Variants in TANGO6 observed in about 807,000 individuals in gnomAD.
TANGO6 encodes transport and Golgi organization protein 6 homolog.
Under a neutral mutation model 114.2 loss-of-function variants are expected in TANGO6, and 90 were observed. The ratio of observed to expected loss-of-function variants is 0.79; its 90% CI spans 0.66 to 0.94. The LOEUF is 0.94. TANGO6 is among the 40% of genes least tolerant of loss of function. The pLI is 0.00. For synonymous variants in TANGO6, 477 were observed against 509.8 expected, an observed-to-expected ratio of 0.94 and a Z score of 0.87; for missense variants, 1,274 against 1,315.3, an observed-to-expected ratio of 0.97 and a Z score of 0.49.
chr16:68,894,709 G>A (rs1408954073), intron 7 of TANGO6, among the ~76,000 whole-genome samples: 3 of 151,902 alleles, frequency 2.0e-5, no homozygotes, highest in Non-Finnish European at 2.9e-5. Context: ...TGTGTTTGGG[G>A]ATTTTTAATA....
intron 14 of TANGO6, among the ~76,000 whole-genome samples, chr16:68,968,731 C>T (rs1253998204): frequency 7.4e-6 from 1 of 134,264 alleles, no homozygotes; most frequent in Non-Finnish European, 1.6e-5. Context: ...AGTGCAGTGG[C>T]ATGATCTCGG....
chr16:68,869,565 T>C lies in TANGO6; in HGVS notation c.994+2345T>C, dbSNP rs543659085. Among the ~76,000 whole-genome samples the C allele has an allele frequency of 4.6e-5, 7 of 152,376 alleles. No individual in the cohort carries two copies. In the South Asian group the frequency reaches 1.4e-3, roughly 32 times the overall value. On this transcript the variant is annotated intron_variant, in intron 4 of 17. Transcript: ENST00000261778. ...TTTCTCTGGGTCTTCTGACTTGCTT[T>C]ACTCAATCCTGGTTACCTTCTACTC... is the stretch of plus-strand genomic sequence containing the variant.
intron 15 of TANGO6, among the ~76,000 whole-genome samples, chr16:68,991,351 C>T (rs1248778498): frequency 5.3e-5 from 8 of 151,880 alleles, no homozygotes; most frequent in Admixed American, 2.6e-4. Flanking sequence ...CATGATGGCT[C>T]ATGCCTGTAA....
In TANGO6 at chr16:69,013,823, A is replaced by AT. The variant is rs1959236064; in HGVS notation, c.2843-8999dup. Among the ~76,000 whole-genome samples, 16 of 151,856 alleles carry AT rather than the reference A, an allele frequency of 1.1e-4. No individual in the cohort carries two copies. The South Asian group carries it at 3.1e-3, about 30-fold the overall frequency. ...AGGCATGTGCCACCATGCCTAGCTA[A>AT]TTTTTTATATTTTTAGTAAAGACAG... On this transcript the variant is annotated intron_variant, in intron 15 of 17. Transcript: ENST00000261778.
intron 17 of TANGO6, among the ~76,000 whole-genome samples, chr16:69,078,751 T>C (rs929420713): frequency 2.0e-5 from 3 of 152,242 alleles, no homozygotes. Flanking sequence ...ATTTTTATTT[T>C]TATTTTTTGA....
At chr16:68,984,074 A>G (rs997903596) in intron 15 of TANGO6, among the ~76,000 whole-genome samples, 3 of 151,810 alleles carry the variant, frequency 2.0e-5, no homozygotes, top group Admixed American at 6.6e-5. Flanking sequence ...CTTTTGTATG[A>G]TAGTTTTCAG....
At chr16:68,846,425 AG>A (rs1961805347) in intron 1 of TANGO6, 1 of 273,858 alleles carries the variant, frequency 3.7e-6, no homozygotes, top group Non-Finnish European at 7.3e-6. Context: ...AGACTCACAT[AG>A]ATATGTAACT....
chr16:68,944,999 T>C (rs530688458), intron 14 of TANGO6, among the ~76,000 whole-genome samples: 2 of 152,132 alleles, frequency 1.3e-5, no homozygotes, highest in Admixed American at 6.5e-5. Context: ...ATACAAAAAT[T>C]AGCCAGGTGT....
Position 69,079,587 on chromosome 16 carries a change from G to C in TANGO6, c.3109-3898G>C, listed in dbSNP as rs570768031. ...CAGATAATGGACTTAAAAAAAAATGGAGTTTTTACGAATCATTAAGGAGAA... is the reference window on the plus strand; with the variant it reads ...CAGATAATGGACTTAAAAAAAAATGCAGTTTTTACGAATCATTAAGGAGAA... On this transcript the variant is annotated intron_variant, in intron 17 of 17. Transcript: ENST00000261778. 6.6e-5 allele frequency among the ~76,000 whole-genome samples: 10 copies of C among 151,798 alleles called. No homozygotes were observed. In the South Asian group the frequency reaches 2.1e-3, roughly 31 times the overall value.
chr16:69,077,986 C>T (rs914607968), intron 17 of TANGO6, among the ~76,000 whole-genome samples: 8 of 152,018 alleles, frequency 5.3e-5, no homozygotes, highest in African/African-American at 1.7e-4. Flanking sequence ...CAAATATTTA[C>T]ATTACAGTCC....
Position 69,022,917 on chromosome 16 carries a change from T to C in TANGO6, c.2932T>C (p.Leu978=), listed in dbSNP as rs753539871. 8.3e-5 allele frequency: 133 copies of C among 1,603,550 alleles called. 2 individuals are homozygous for C. The South Asian group carries it at 1.3e-3, about 15-fold the overall frequency. ...DPDGAHRASS[L]ANLGELCQRL... ...TGATGGTGCTCACAGGGCCAGCAGC[T>C]TGGCCAACCTTGGGGAGCTGTGCCA... is the stretch of plus-strand genomic sequence containing the variant. Residue 978 remains leucine, a synonymous_variant, in exon 16 of 18, where the codon TTG becomes CTG. Coordinates refer to ENST00000261778, the MANE Select transcript of TANGO6 (RefSeq NM_024562.2).
At chr16:68,964,484 G>A (rs1183739449) in intron 14 of TANGO6, among the ~76,000 whole-genome samples, 2 of 151,816 alleles carry the variant, frequency 1.3e-5, no homozygotes, top group African/African-American at 4.8e-5. Flanking sequence ...GAATTCAATA[G>A]AGACGATTTT....
chr16:68,867,367 A>G, intron 4 of TANGO6, 147 bp downstream of exon 4: 1 of 1,015,718 alleles, frequency 9.8e-7, no homozygotes, highest in Non-Finnish European at 1.4e-6. Flanking sequence ...TTAAACTTAG[A>G]GGCCGTTAAT....
chr16:68,921,131 A>G (rs1358156822), intron 12 of TANGO6, among the ~76,000 whole-genome samples: 1 of 150,978 alleles, frequency 6.6e-6, no homozygotes, highest in Non-Finnish European at 1.5e-5. Flanking sequence ...AAAAAAAAAA[A>G]AAAAAAAGAA....
intron 1 of TANGO6, among the ~76,000 whole-genome samples, chr16:68,853,077 G>GT (rs991775436): frequency 2.6e-5 from 4 of 151,972 alleles, no homozygotes; most frequent in African/African-American, 7.3e-5. Flanking sequence ...ATTTATTTGG[G>GT]TTTTTTGTAG....
intron 15 of TANGO6, among the ~76,000 whole-genome samples, chr16:68,988,038 T>C (rs1963912751): frequency 6.6e-6 from 1 of 152,198 alleles, no homozygotes; most frequent in Non-Finnish European, 1.5e-5. Flanking sequence ...GTTCTTTATA[T>C]GTAGTGGAAC....
Position 68,878,185 on chromosome 16 carries a change from C to G in TANGO6, c.1199C>G (p.Thr400Ser). The change falls in exon 6 of 18, where the codon ACC (threonine) becomes AGC (serine). Residue 400 changes from threonine (T) to serine (S), a missense_variant. Physicochemically the swap from Thr to Ser is moderately conservative, Grantham distance 58 (BLOSUM62 1). Transcript: ENST00000261778. Reference sequence around the variant, plus strand: ...CAATTTCAGAGAGTTGCCACCACTACCTTTATAACTTTGTCAAGAGAACGC... The same window carrying G: ...CAATTTCAGAGAGTTGCCACCACTAGCTTTATAACTTTGTCAAGAGAACGC... ...ARQFQRVATT[T>S]FITLSRERPH... 23 of 1,613,302 alleles carry G rather than the reference C, an allele frequency of 1.4e-5. No individual in the cohort carries two copies. Among genetic ancestry groups the G allele is most frequent in the Non-Finnish European group, 1.9e-5 (22 of 1,179,642 alleles).
intron 17 of TANGO6, among the ~76,000 whole-genome samples, chr16:69,045,791 C>T (rs1470663216): frequency 2.7e-5 from 4 of 149,724 alleles, no homozygotes; most frequent in South Asian, 2.1e-4. Context: ...TTAGGCCGGG[C>T]GTGGTGGCTC....
At chr16:68,902,632 A>G (rs1962800873) in intron 9 of TANGO6, 128 bp downstream of exon 9, 3 of 793,750 alleles carry the variant, frequency 3.8e-6, no homozygotes, top group Admixed American at 3.0e-5. Context: ...GGTGCCTGCT[A>G]TTTATATTCT....
Sources: gnomAD v4.1 joint callset for allele counts (sites outside exome capture counted in the v4.1 genomes callset) on GRCh38, gnomAD v4.1.1 for gene constraint, MANE v1.5 for transcripts, NCBI Gene and HGNC (gene_info 2026-07-23, HGNC 2026-07-21) for gene names.